The following STRN variants were observed in gnomAD, a reference collection of about 807,000 sequenced individuals.
STRN encodes the protein protein phosphatase 2 regulatory subunit B'''alpha.
STRN carries 53 observed loss-of-function variants against 96.3 expected under a neutral mutation model. The observed-to-expected ratio is 0.55, with a 90% CI of 0.44 to 0.69. The LOEUF is 0.69. Ranked by LOEUF, STRN falls within the 30% of genes least tolerant of loss-of-function variation. The pLI, the probability that STRN is intolerant of heterozygous loss-of-function variation, is 0.00. For synonymous variants in STRN, 428 were observed against 355.9 expected (o/e 1.20, Z -2.28); for missense variants, 987 against 963.9 (o/e 1.02, Z -0.32).
At chr2:36,901,978 A>T (rs56186144) in intron 5 of STRN, among the ~76,000 whole-genome samples, 7,573 of 152,218 alleles carry the variant, frequency 0.05, 291 homozygotes, top group East Asian at 0.13. Flanking sequence ...ATTAACAATC[A>T]CGGAAATTTT....
At position 36,867,449 on chromosome 2, in the gene STRN, C is replaced by T. The variant is rs547617253; in HGVS notation, c.1547+365G>A. 3.7e-5 allele frequency: 6 copies of T among 162,072 alleles called. No homozygotes were observed. The East Asian group carries it at 1.0e-3, about 28-fold the overall frequency. The allele number at this position is 162,072 out of a possible 1,614,324, so 10.0% of individuals were successfully genotyped here. On this transcript the variant is annotated intron_variant, in intron 12 of 17. Transcript: ENST00000263918. ...GTGTCATCCTTGTACTGAGGCCTTG[C>T]TAATCTCTGTATCTTTCCAATTGTA...
chr2:36,931,082 C>CT (rs869045988), intron 1 of STRN, among the ~76,000 whole-genome samples: 2 of 151,544 alleles, frequency 1.3e-5, no homozygotes, highest in East Asian at 1.9e-4. Context: ...AACCCTACCT[C>CT]TTTTTTTTCC....
At chr2:36,870,221 A>C (rs564942871) in intron 10 of STRN, among the ~76,000 whole-genome samples, 299 of 141,282 alleles carry the variant, frequency 2.1e-3, no homozygotes, top group Middle Eastern at 7.0e-3. Flanking sequence ...AAAATCGAAG[A>C]GATAACACAA....
rs781501568 is a variant in STRN at position 36,925,191 on chromosome 2, C to G, written c.252G>C (p.Leu84=). Reference sequence around the variant, plus strand: ...TTTCTTGGCCCTTCCTTTCTCCCTGCAGGAAGGCAATCTGGGCCTGAGTAG... The same window carrying G: ...TTTCTTGGCCCTTCCTTTCTCCCTGGAGGAAGGCAATCTGGGCCTGAGTAG... ...RAELQAQIAF[L]QGERKGQENL... is the part of the protein sequence containing the mutation. The change falls in exon 2 of 18, where the codon CTG becomes CTC. Residue 84 remains leucine (L), a synonymous_variant. Transcript: ENST00000263918. The G allele has an allele frequency of 1.2e-6, 2 of 1,613,706 alleles. No individual in the cohort carries two copies. Among genetic ancestry groups the G allele is most frequent in the East Asian group, 4.5e-5 (2 of 44,884 alleles).
chr2:36,931,402 C>T (rs138907104), intron 1 of STRN, among the ~76,000 whole-genome samples: 137 of 152,326 alleles, frequency 9.0e-4, no homozygotes, highest in African/African-American at 3.0e-3. Context: ...CCACAATGTA[C>T]TTCCAATCTC....
chr2:36,895,380 C>T (rs1669512184), intron 6 of STRN, among the ~76,000 whole-genome samples: 1 of 151,386 alleles, frequency 6.6e-6, no homozygotes, highest in Non-Finnish European at 1.5e-5. Context: ...TTTAATGATG[C>T]TAGAATAATT....
chr2:36,906,595 A>G (rs1181207554), intron 3 of STRN, among the ~76,000 whole-genome samples: 1 of 152,122 alleles, frequency 6.6e-6, no homozygotes. Flanking sequence ...AACAACCTCA[A>G]TCCAAACCTG....
intron 12 of STRN, among the ~76,000 whole-genome samples, chr2:36,865,382 AG>A (rs1277790365): frequency 2.6e-5 from 4 of 151,858 alleles, no homozygotes; most frequent in Non-Finnish European, 5.9e-5. Context: ...TTATTAGTTT[AG>A]CTAGTGGTCT....
intron 6 of STRN, among the ~76,000 whole-genome samples, chr2:36,899,321 G>A (rs1009724540): frequency 2.4e-4 from 37 of 152,182 alleles, no homozygotes; most frequent in African/African-American, 7.5e-4. Context: ...AAGTCAAACA[G>A]TGAGGAATTT....
At position 36,838,973 on chromosome 2, in the gene STRN, T is replaced by G. The variant is rs1048822238; in HGVS notation, c.*10483A>C. 3.3e-5 allele frequency among the ~76,000 whole-genome samples: 5 copies of G among 152,126 alleles called. No homozygotes were observed. Among genetic ancestry groups the G allele is most frequent in the African/African-American group, 1.2e-4 (5 of 41,404 alleles). ...ATAAATTTGAGAGACCTTTAAAAAT[T>G]TGTAAGGTGCTCATGATACACATTA... On this transcript the variant is annotated 3_prime_UTR_variant, in exon 18 of 18. Coordinates refer to ENST00000263918, the MANE Select transcript of STRN (RefSeq NM_003162.4).
At chr2:36,954,549 T>C (rs1203078770) in intron 1 of STRN, among the ~76,000 whole-genome samples, 1 of 150,704 alleles carries the variant, frequency 6.6e-6, no homozygotes, top group Non-Finnish European at 1.5e-5. Context: ...AGCTCCAAAT[T>C]TGCAGATTTT....
chr2:36,946,817 T>C (rs1374280087), intron 1 of STRN, among the ~76,000 whole-genome samples: 2 of 152,248 alleles, frequency 1.3e-5, no homozygotes, highest in African/African-American at 2.4e-5. Context: ...TGTTTCTTTT[T>C]TGTAAAAAAG....
chr2:36,861,249 G>T lies in STRN; in HGVS notation c.1552C>A (p.Pro518Thr). 1 of 1,611,140 alleles carries T rather than the reference G, an allele frequency of 6.2e-7. No homozygotes were observed. Among genetic ancestry groups the T allele is most frequent in the Non-Finnish European group, 8.5e-7 (1 of 1,179,184 alleles). The change falls in exon 13 of 18, where the codon CCA becomes ACA. Residue 518 changes from proline (P) to threonine (T), a missense_variant. By Grantham distance (38) the Pro-to-Thr change is conservative. Coordinates refer to ENST00000263918, the MANE Select transcript of STRN (RefSeq NM_003162.4). The part of the protein sequence containing the change: ...PIYTFRAHKG[P>T]VLCVVMSSNG... Reference sequence around the variant, plus strand: ...CTGCTCATTACCACACAAAGCACTGGACCTCTGGGAGATTAAAAAAAATAA... The same window carrying T: ...CTGCTCATTACCACACAAAGCACTGTACCTCTGGGAGATTAAAAAAAATAA...
At chr2:36,953,690 C>T (rs1401553295) in intron 1 of STRN, among the ~76,000 whole-genome samples, 1 of 152,206 alleles carries the variant, frequency 6.6e-6, no homozygotes, top group Non-Finnish European at 1.5e-5. Context: ...GCGTGAGCCA[C>T]CGTGCCAGGC....
chr2:36,952,457 A>G (rs983149429), intron 1 of STRN, among the ~76,000 whole-genome samples: 1 of 151,950 alleles, frequency 6.6e-6, no homozygotes, highest in African/African-American at 2.4e-5. Flanking sequence ...GAGAAAAAAA[A>G]AAAAAAAAAA....
intron 15 of STRN, among the ~76,000 whole-genome samples, chr2:36,853,112 G>A (rs538483290): frequency 2.6e-4 from 40 of 151,900 alleles, no homozygotes; most frequent in African/African-American, 8.7e-4. Flanking sequence ...AGCTGAGATC[G>A]CACCACTGCA....
chr2:36,870,376 A>G (rs571316696), intron 10 of STRN, among the ~76,000 whole-genome samples: 1 of 152,266 alleles, frequency 6.6e-6, no homozygotes, highest in East Asian at 1.9e-4. Flanking sequence ...TTGATTTTAC[A>G]CTAGCACCAC....
At position 36,879,070 on chromosome 2, in the gene STRN, ATTTGTTTTT is replaced by A. The variant is rs559064220; in HGVS notation, c.1187-1052_1187-1044del. ...ACCCGGTAAAGAAAATGTTTTGTTT[ATTTGTTTTT>A]TTTGTTTTTTAGATGGAGTCATGCT... On this transcript the variant is annotated intron_variant, in intron 9 of 17. Coordinates refer to ENST00000263918, the MANE Select transcript of STRN (RefSeq NM_003162.4). Among the ~76,000 whole-genome samples, 286 of 142,756 alleles carry A rather than the reference ATTTGTTTTT, an allele frequency of 2.0e-3. 1 individual carries two copies. Among genetic ancestry groups the A allele is most frequent in the South Asian group, 2.5e-3 (11 of 4,452 alleles). 93.7% of individuals were successfully genotyped at this position (142,756 alleles called of 152,430 possible).
intron 9 of STRN, among the ~76,000 whole-genome samples, chr2:36,881,799 C>T (rs1314269879): frequency 1.3e-5 from 2 of 152,104 alleles, no homozygotes; most frequent in Non-Finnish European, 2.9e-5. Flanking sequence ...CATGTATGGC[C>T]TGAGATGAAA....
Sources: gnomAD v4.1 joint callset for allele counts (sites outside exome capture counted in the v4.1 genomes callset) on GRCh38, gnomAD v4.1.1 for gene constraint, MANE v1.5 for transcripts, NCBI Gene and HGNC (gene_info 2026-07-23, HGNC 2026-07-21) for gene names.